Variants in FNTB observed in about 807,000 individuals in gnomAD.
FNTB encodes farnesyltransferase, CAAX box, subunit beta.
Under a neutral mutation model 59.4 loss-of-function variants are expected in FNTB, and 27 were observed. The observed-to-expected ratio is 0.45, with a 90% confidence interval of 0.34 to 0.63. FNTB has a LOEUF of 0.63. Among genes scored for constraint, FNTB ranks in the 20% least tolerant of loss-of-function variants. The pLI is 0.02. For synonymous variants in FNTB, 230 were observed against 220.7 expected (o/e 1.04, Z -0.37); for missense variants, 449 against 559.6 (o/e 0.80, Z 1.99).
rs1284445256 is a variant in FNTB at position 65,061,633 on chromosome 14, A to G, written c.*321A>G. 2 of 259,052 alleles carry G rather than the reference A, an allele frequency of 7.7e-6. No individual in the cohort carries two copies. The highest frequency in any genetic ancestry group is 1.5e-5 in the Non-Finnish European group (2 of 129,052). 16.0% of individuals were successfully genotyped at this position (259,052 alleles called of 1,614,324 possible). On this transcript the variant is annotated 3_prime_UTR_variant, in exon 12 of 12. Coordinates refer to ENST00000246166, the MANE Select transcript of FNTB (RefSeq NM_002028.4). ...GGACGATCACACAGAGATGAATGGC[A>G]TCTGAGTATTACGGCATCCAGAGCC...
chr14:65,037,063 T>G (rs560841075), intron 7 of FNTB, among the ~76,000 whole-genome samples: 43 of 152,252 alleles, frequency 2.8e-4, no homozygotes, highest in African/African-American at 9.1e-4. Context: ...ATTACAGTAT[T>G]TCTTTGATAA....
intron 7 of FNTB, among the ~76,000 whole-genome samples, chr14:65,039,722 A>T (rs2062300557): frequency 6.6e-6 from 1 of 152,210 alleles, no homozygotes; most frequent in Non-Finnish European, 1.5e-5. Flanking sequence ...GAAAGAAAAG[A>T]GGTTTATTTG....
chr14:65,011,808 A>G lies in FNTB; in HGVS notation c.210-509A>G, dbSNP rs1029300101. Among the ~76,000 whole-genome samples the G allele has an allele frequency of 6.6e-6, 1 of 152,226 alleles. No individual in the cohort carries two copies. The highest frequency in any genetic ancestry group is 2.4e-5 in the African/African-American group (1 of 41,448). On this transcript the variant is annotated intron_variant, in intron 2 of 11. Transcript: ENST00000246166. This position sits in a 1 kb window ranked among gnomAD's most constrained non-coding sequence, Gnocchi z 4.0. ...GGTCACACGTGGGAGGTGGAATTTC[A>G]GGGAGAGAATAATAGTTGGATAACC... is the stretch of plus-strand genomic sequence containing the variant.
rs1372836736 is a variant in FNTB at position 65,028,643 on chromosome 14, T to C, written c.605+862T>C. ...TGTGGAGCATAAAATACATTACAGA[T>C]AATAGGTAATCAGGCTGCAAAGGCC... On this transcript the variant is annotated intron_variant, in intron 6 of 11. Transcript: ENST00000246166. The surrounding 1 kb of genome is among the most constrained non-coding windows in gnomAD (Gnocchi z 4.4). Among the ~76,000 whole-genome samples the C allele has an allele frequency of 6.6e-6, 1 of 152,176 alleles. No homozygotes were observed. The highest frequency in any genetic ancestry group is 1.5e-5 in the Non-Finnish European group (1 of 68,042).
chr14:64,998,559 T>G (rs1369890842), intron 1 of FNTB, among the ~76,000 whole-genome samples: 6 of 152,238 alleles, frequency 3.9e-5, no homozygotes, highest in Non-Finnish European at 7.3e-5. Flanking sequence ...TTGTGGTTTT[T>G]GCAGAGTCAT....
At chr14:65,008,771 C>T (rs950206676) in intron 2 of FNTB, among the ~76,000 whole-genome samples, 7 of 152,180 alleles carry the variant, frequency 4.6e-5, no homozygotes, top group African/African-American at 1.7e-4. Flanking sequence ...TGGGTGGAGG[C>T]ACATTGTGAA....
At chr14:65,058,977 C>A (rs2062803054) in intron 11 of FNTB, among the ~76,000 whole-genome samples, 1 of 152,078 alleles carries the variant, frequency 6.6e-6, no homozygotes, top group Admixed American at 6.6e-5. Flanking sequence ...ATATCATAGC[C>A]TCATAAAATT....
At chr14:65,025,341 A>G (rs955867699) in intron 4 of FNTB, among the ~76,000 whole-genome samples, 2 of 152,198 alleles carry the variant, frequency 1.3e-5, no homozygotes, top group Non-Finnish European at 2.9e-5. Context: ...ATGTGCTGTT[A>G]AGTTTTGTAT....
At position 65,012,059 on chromosome 14, in the gene FNTB, C is replaced by T. The variant is rs77280561; in HGVS notation, c.210-258C>T. On this transcript the variant is annotated intron_variant, in intron 2 of 11. Transcript: ENST00000246166. This position sits in a 1 kb window ranked among gnomAD's most constrained non-coding sequence, Gnocchi z 5.0. ...TGCGGCTTTTCCGTTAGCCCAAAGT[C>T]ACTGCCTTTAGGAGACAATCGCACT... 1 of 409,032 alleles carries T rather than the reference C, an allele frequency of 2.4e-6. No individual in the cohort carries two copies. Among genetic ancestry groups the T allele is most frequent in the Non-Finnish European group, 4.6e-6 (1 of 218,182 alleles). The allele number at this position is 409,032 out of a possible 1,614,324, so 25.3% of individuals were successfully genotyped here.
chr14:64,988,867 T>C (rs1003129622), intron 1 of FNTB, among the ~76,000 whole-genome samples: 1 of 152,226 alleles, frequency 6.6e-6, no homozygotes, highest in Non-Finnish European at 1.5e-5. Flanking sequence ...GATAATGTTG[T>C]ATCTCATTTT....
intron 7 of FNTB, among the ~76,000 whole-genome samples, chr14:65,034,088 C>T (rs2062142225): frequency 6.6e-6 from 1 of 151,936 alleles, no homozygotes; most frequent in Non-Finnish European, 1.5e-5. Flanking sequence ...TTATGAATTC[C>T]TTCCCAAATT....
intron 9 of FNTB, among the ~76,000 whole-genome samples, chr14:65,051,542 C>T (rs554040675): frequency 1.5e-4 from 22 of 151,334 alleles, no homozygotes; most frequent in Admixed American, 3.9e-4. Context: ...ACCCGGGAGG[C>T]GGAGGTTGCA....
Position 65,012,733 on chromosome 14 carries a change from C to G in FNTB, c.282+344C>G, listed in dbSNP as rs114405954. Among the ~76,000 whole-genome samples the G allele has an allele frequency of 0.013, 1,970 of 152,348 alleles. 21 individuals carry two copies. Among genetic ancestry groups the G allele is most frequent in the Non-Finnish European group, 0.019 (1,317 of 68,034 alleles). On this transcript the variant is annotated intron_variant, in intron 3 of 11. Coordinates refer to ENST00000246166, the MANE Select transcript of FNTB (RefSeq NM_002028.4). This position sits in a 1 kb window ranked among gnomAD's most constrained non-coding sequence, Gnocchi z 5.0. Reference sequence around the variant, plus strand: ...TTAACCCTTTGCCCTATAAGCTGATCTAATTTCTCGCTCATTTATTGAGGA... The same window carrying G: ...TTAACCCTTTGCCCTATAAGCTGATGTAATTTCTCGCTCATTTATTGAGGA...
intron 1 of FNTB, among the ~76,000 whole-genome samples, chr14:64,988,478 G>A (rs1186716638): frequency 1.5e-5 from 2 of 134,092 alleles, no homozygotes; most frequent in Non-Finnish European, 3.1e-5. Flanking sequence ...ATGGGGTCTC[G>A]CCCTGTTGCC....
At chr14:65,037,402 C>CTTTTTTTTTT (rs765037575) in intron 7 of FNTB, among the ~76,000 whole-genome samples, 40 of 14,526 alleles carry the variant, frequency 2.8e-3, no homozygotes, top group Non-Finnish European at 3.9e-3. Context: ...CACGCCGGGC[C>CTTTTTTTTTT]CTTTTTTTTT....
At chr14:65,004,929 CT>C (rs1276006980) in intron 2 of FNTB, among the ~76,000 whole-genome samples, 8 of 152,228 alleles carry the variant, frequency 5.3e-5, no homozygotes, top group African/African-American at 1.9e-4. Flanking sequence ...TCCCAAAGTG[CT>C]GGGATTACAG....
chr14:65,031,876 A>G lies in FNTB; in HGVS notation c.606-734A>G, dbSNP rs2062091822. Among the ~76,000 whole-genome samples, 1 of 152,228 alleles carries G rather than the reference A, an allele frequency of 6.6e-6. No individual in the cohort carries two copies. Among genetic ancestry groups the G allele is most frequent in the South Asian group, 2.1e-4 (1 of 4,814 alleles). On this transcript the variant is annotated intron_variant, in intron 6 of 11. Coordinates refer to ENST00000246166, the MANE Select transcript of FNTB (RefSeq NM_002028.4). This position sits in a 1 kb window ranked among gnomAD's most constrained non-coding sequence, Gnocchi z 4.6. ...GCGGAGGTTGCAGTGAGCTGAGATCATACCACTGCACTCTAGCCTGGGCGA... is the reference window on the plus strand; with the variant it reads ...GCGGAGGTTGCAGTGAGCTGAGATCGTACCACTGCACTCTAGCCTGGGCGA...
At chr14:65,013,492 A>G (rs1172608550) in intron 3 of FNTB, among the ~76,000 whole-genome samples, 1 of 152,202 alleles carries the variant, frequency 6.6e-6, no homozygotes, top group Non-Finnish European at 1.5e-5. Context: ...TAGTTATGTT[A>G]CAGTTGGTAC....
At position 65,030,403 on chromosome 14, in the gene FNTB, C is replaced by T. The variant is rs2062057471; in HGVS notation, c.606-2207C>T. Among the ~76,000 whole-genome samples the T allele has an allele frequency of 1.3e-5, 2 of 152,122 alleles. No individual in the cohort carries two copies. ...CTTCTGCAGAGACTTCTTTGGAATA[C>T]CTCAGTAAGTCTGACTTCATGTTAT... On this transcript the variant is annotated intron_variant, in intron 6 of 11. Coordinates refer to ENST00000246166, the MANE Select transcript of FNTB (RefSeq NM_002028.4). This position sits in a 1 kb window ranked among gnomAD's most constrained non-coding sequence, Gnocchi z 4.5.
Sources: gnomAD v4.1 joint callset for allele counts (sites outside exome capture counted in the v4.1 genomes callset) on GRCh38, gnomAD v4.1.1 for gene constraint, Gnocchi (gnomAD v3.1) non-coding constraint, MANE v1.5 for transcripts, NCBI Gene and HGNC (gene_info 2026-07-23, HGNC 2026-07-21) for gene names.